DNAH17: variants seen among roughly 807,000 people sequenced by gnomAD.
DNAH17 encodes the protein axonemal beta dynein heavy chain 17.
Under a neutral mutation model 485.6 loss-of-function variants are expected in DNAH17, and 376 were observed. The ratio of observed to expected loss-of-function variants is 0.77; its 90% CI spans 0.71 to 0.84. The LOEUF is 0.84. Ranked by LOEUF, DNAH17 falls within the 40% of genes least tolerant of loss-of-function variation. The pLI is 0.00. For missense variants in DNAH17, 6,370 were observed against 5,839.3 expected, an observed-to-expected ratio of 1.09 and a Z score of -2.96; for synonymous variants, 3,031 against 2,405.9, an observed-to-expected ratio of 1.26 and a Z score of -7.60.
chr17:78,442,823 C>A (rs1407301540), intron 71 of DNAH17, among the ~76,000 whole-genome samples: 1 of 152,208 alleles, frequency 6.6e-6, no homozygotes, highest in East Asian at 1.9e-4. Flanking sequence ...GCCTGGCCTG[C>A]CCTCCCAGTG....
At chr17:78,531,849 G>A (rs967490273) in intron 20 of DNAH17, among the ~76,000 whole-genome samples, 1 of 152,180 alleles carries the variant, frequency 6.6e-6, no homozygotes, top group Non-Finnish European at 1.5e-5. Flanking sequence ...TTACATTTGA[G>A]GTTATTACAC....
intron 40 of DNAH17, 83 bp from the exon 41 acceptor site, chr17:78,494,256 C>T (rs2089980912): frequency 6.5e-7 from 1 of 1,527,692 alleles, no homozygotes; most frequent in Non-Finnish European, 8.8e-7. Context: ...GCTTCCTGCC[C>T]CGTGGGGGAG....
In DNAH17 at chr17:78,478,819, C is replaced by G. The variant is rs186274220; in HGVS notation, c.7992+206G>C. ...CATCACTACCACCATCATCACATCA[C>G]CATCATCACGACCATCACCATTACC... On this transcript the variant is annotated intron_variant, in intron 51 of 80. Transcript: ENST00000389840. 108 of 548,580 alleles carry G rather than the reference C, an allele frequency of 2.0e-4. 1 individual carries two copies. The East Asian group carries it at 2.4e-3, about 12-fold the overall frequency. The allele number at this position is 548,580 out of a possible 1,614,324, so 34.0% of individuals were successfully genotyped here.
intron 56 of DNAH17, among the ~76,000 whole-genome samples, chr17:78,465,202 G>C (rs1170251873): frequency 6.6e-6 from 1 of 152,216 alleles, no homozygotes; most frequent in Non-Finnish European, 1.5e-5. Context: ...GAGGTGCCGG[G>C]ATTGCAGACG....
chr17:78,490,752 G>C lies in DNAH17; in HGVS notation c.6765C>G (p.Thr2255=), dbSNP rs779627330. The change falls in exon 44 of 81, where the codon ACC becomes ACG. Residue 2255 remains threonine (T), a synonymous_variant. Transcript: ENST00000389840. Reference sequence around the variant, plus strand: ...TGTAGAGGATGCCGGCTCTGGAAACGGTGGCTGGGGTGGCCGTCCTCAGGT... The same window carrying C: ...TGTAGAGGATGCCGGCTCTGGAAACCGTGGCTGGGGTGGCCGTCCTCAGGT... The part of the protein sequence containing the change: ...ISHLRTATPA[T]VSRAGILYIN... The C allele has an allele frequency of 6.2e-7, 1 of 1,605,890 alleles. No individual in the cohort carries two copies. The highest frequency in any genetic ancestry group is 2.2e-5 in the East Asian group (1 of 44,526).
intron 17 of DNAH17, among the ~76,000 whole-genome samples, chr17:78,541,493 G>A (rs914982024): frequency 6.6e-6 from 1 of 151,798 alleles, no homozygotes; most frequent in Non-Finnish European, 1.5e-5. Flanking sequence ...CCCTCAGGCA[G>A]GTCTATTCTA....
intron 34 of DNAH17, 99 bp downstream of exon 34, chr17:78,501,643 G>A (rs899946975): frequency 2.7e-6 from 4 of 1,491,086 alleles, no homozygotes; most frequent in Admixed American, 3.9e-5. Flanking sequence ...CAGTGCCCCA[G>A]GAAGAGGAAG....
At chr17:78,428,905 G>T in intron 76 of DNAH17, among the ~76,000 whole-genome samples, 198 bp from the exon 77 acceptor site, 1 of 136,816 alleles carries the variant, frequency 7.3e-6, no homozygotes, top group African/African-American at 2.8e-5. Flanking sequence ...CCCCTTCCCT[G>T]AGGCTGCATT....
Position 78,426,472 on chromosome 17 carries a change from C to G in DNAH17, c.12900G>C (p.Leu4300=), listed in dbSNP as rs746227310. The stretch of plus-strand genomic sequence containing the variant: ...CGGCACTTACCCTGATGCGGAGCAG[C>G]AGGTCTGCGTACCAGGCCGCCAGGC... ...MMGLAAWYAD[L]LLRIRELEAW... Residue 4300 remains leucine (L), a synonymous_variant, in exon 79 of 81, where the codon CTG becomes CTC. Coordinates refer to ENST00000389840, the MANE Select transcript of DNAH17 (RefSeq NM_173628.4). 21 of 1,606,022 alleles carry G rather than the reference C, an allele frequency of 1.3e-5. No individual in the cohort carries two copies. The highest frequency in any genetic ancestry group is 1.8e-5 in the Non-Finnish European group (21 of 1,176,676).
intron 11 of DNAH17, among the ~76,000 whole-genome samples, chr17:78,564,142 C>T (rs1245047385): frequency 6.6e-6 from 1 of 152,000 alleles, no homozygotes; most frequent in East Asian, 1.9e-4. Flanking sequence ...GGGTAGGGGC[C>T]TAGGGCTCCC....
chr17:78,428,815 T>G, intron 76 of DNAH17, 108 bp from the exon 77 acceptor site: 2 of 1,337,774 alleles, frequency 1.5e-6, no homozygotes, highest in South Asian at 2.6e-5. Context: ...CCTTGCTGTC[T>G]GTACAGATCC....
intron 50 of DNAH17, 150 bp downstream of exon 50, chr17:78,479,335 C>T (rs983616776): frequency 8.4e-7 from 1 of 1,184,170 alleles, no homozygotes; most frequent in Non-Finnish European, 1.1e-6. Flanking sequence ...TTGTATTTCA[C>T]AATTTCTCCT....
intron 75 of DNAH17, among the ~76,000 whole-genome samples, chr17:78,433,308 G>T (rs2086745802): frequency 1.3e-5 from 2 of 152,180 alleles, no homozygotes; most frequent in African/African-American, 4.8e-5. Flanking sequence ...GGGCTGCAGG[G>T]CCTAGCAGGG....
In DNAH17 at chr17:78,502,877, G is replaced by C; in HGVS notation, c.5082+9C>G. The C allele has an allele frequency of 6.2e-7, 1 of 1,611,116 alleles. No individual in the cohort carries two copies. Among genetic ancestry groups the C allele is most frequent in the Non-Finnish European group, 8.5e-7 (1 of 1,178,664 alleles). ...ACGAGGCGCCGCCGAGCCCCCACCCGCCTCAGACCTGGGCTGGGTAGTCCA... is the reference window on the plus strand; with the variant it reads ...ACGAGGCGCCGCCGAGCCCCCACCCCCCTCAGACCTGGGCTGGGTAGTCCA... On this transcript the variant is annotated intron_variant, in intron 32 of 80. Coordinates refer to ENST00000389840, the MANE Select transcript of DNAH17 (RefSeq NM_173628.4).
At position 78,476,746 on chromosome 17, in the gene DNAH17, C is replaced by T. The variant is rs2089045702; in HGVS notation, c.7993-13G>A. ...AAAATAAGAGTCCCTGCCCCAAACA[C>T]AGGATGATCAGCACCGTCAGCTGTT... On this transcript the variant is annotated splice_polypyrimidine_tract_variant and intron_variant, in intron 51 of 80. Transcript: ENST00000389840. 2 of 1,609,468 alleles carry T rather than the reference C, an allele frequency of 1.2e-6. No homozygotes were observed. Among genetic ancestry groups the T allele is most frequent in the South Asian group, 2.2e-5 (2 of 90,126 alleles).
chr17:78,554,032 C>A (rs1209954256), intron 14 of DNAH17, among the ~76,000 whole-genome samples: 1 of 152,042 alleles, frequency 6.6e-6, no homozygotes, highest in African/African-American at 2.4e-5. Context: ...TGAGCTCCAG[C>A]CATCTTCCCA....
chr17:78,518,920 G>C (rs1294295387), intron 25 of DNAH17, among the ~76,000 whole-genome samples: 1 of 152,102 alleles, frequency 6.6e-6, no homozygotes, highest in Non-Finnish European at 1.5e-5. Context: ...TGTAATCCCA[G>C]CACTTTGGGA....
At chr17:78,426,102 G>A (rs2086445706) in intron 79 of DNAH17, among the ~76,000 whole-genome samples, 1 of 152,190 alleles carries the variant, frequency 6.6e-6, no homozygotes, top group Admixed American at 6.5e-5. Context: ...AGGTAGAGAA[G>A]GGTCAGGAAG....
intron 66 of DNAH17, 66 bp downstream of exon 66, chr17:78,451,403 C>T: frequency 2.7e-6 from 4 of 1,478,818 alleles, no homozygotes; most frequent in Non-Finnish European, 2.7e-6. Context: ...GGGACCCTCA[C>T]AGTGACCTGG....
Sources: gnomAD v4.1 joint callset for allele counts (sites outside exome capture counted in the v4.1 genomes callset) on GRCh38, gnomAD v4.1.1 for gene constraint, MANE v1.5 for transcripts, NCBI Gene and HGNC (gene_info 2026-07-23, HGNC 2026-07-21) for gene names.